Variants in PIK3C2G observed in about 807,000 individuals in gnomAD.
PIK3C2G encodes phosphatidylinositol-4-phosphate 3-kinase catalytic subunit type 2 gamma, also known as phosphatidylinositol 3-kinase C2 domain-containing subunit gamma.
A neutral mutation model predicts 181.1 loss-of-function variants in PIK3C2G; 168 were observed. That is an observed-to-expected ratio of 0.93 (90% CI 0.82 to 1.05). The LOEUF (loss-of-function observed/expected upper bound fraction) is 1.05. PIK3C2G is among the 50% of genes least tolerant of loss of function. PIK3C2G has a pLI of 0.00. For synonymous variants in PIK3C2G, 573 were observed against 592.2 expected (o/e 0.97, Z 0.47); for missense variants, 1,869 against 1,732.8 (o/e 1.08, Z -1.40).
chr12:18,658,621 T>C, the PIK3C2G span, among the ~76,000 whole-genome samples: 1 of 152,186 alleles, frequency 6.6e-6, no homozygotes, highest in East Asian at 1.9e-4. Context: ...TAATAGAAAA[T>C]CAATATTTTA....
rs748311527 is a variant in PIK3C2G, at chr12:18,399,725, C to G, written c.2193C>G (p.Ser731=). ...YRFYCNNENC[S]LPLVLGSAPG... ...TCTACTGCAATAATGAAAACTGCTC[C>G]CTTCCTTTAGTCCTGGGTAGTGCCC... Residue 731 remains serine, a synonymous_variant, in exon 16 of 33, where the codon TCC becomes TCG. Coordinates refer to ENST00000538779, the MANE Select transcript of PIK3C2G (RefSeq NM_001288772.2). 2.0e-5 allele frequency: 32 copies of G among 1,602,614 alleles called. 1 individual carries two copies. In the South Asian group the frequency reaches 2.9e-4, roughly 14 times the overall value.
At chr12:18,424,939 G>A (rs749006883) in intron 18 of PIK3C2G, 10 of 205,216 alleles carry the variant, frequency 4.9e-5, no homozygotes, top group East Asian at 1.2e-4. Flanking sequence ...CATGTCCAAC[G>A]TTCAGGGTGT....
chr12:18,525,733 G>T lies in PIK3C2G; in HGVS notation c.3324-12423G>T, dbSNP rs1183358892. On this transcript the variant is annotated intron_variant, in intron 24 of 32. Transcript: ENST00000538779. ...CACAAATCAGAGCTTTTTTCCTAAG[G>T]AAACAAAGTAAGCCAGCTATTAAAT... 2.6e-5 allele frequency among the ~76,000 whole-genome samples: 4 copies of T among 152,094 alleles called. No homozygotes were observed. The South Asian group carries it at 8.3e-4, about 32-fold the overall frequency.
intron 18 of PIK3C2G, among the ~76,000 whole-genome samples, chr12:18,444,251 G>C (rs914650399): frequency 1.3e-5 from 2 of 152,066 alleles, no homozygotes; most frequent in African/African-American, 4.8e-5. Flanking sequence ...TGGGCCTTTA[G>C]TAGTCTTATC....
At position 18,405,201 on chromosome 12, in the gene PIK3C2G, C is replaced by T. The variant is rs78707205; in HGVS notation, c.2315+5354C>T. ...CCCATGAGACACATAGAAGAAGATG[C>T]CTGGTATGCAGTTGTGTATACAGGT... On this transcript the variant is annotated intron_variant, in intron 16 of 32. Transcript: ENST00000538779. 7.0e-3 allele frequency among the ~76,000 whole-genome samples: 1,068 copies of T among 152,212 alleles called. 6 individuals are homozygous for T. The highest frequency in any genetic ancestry group is 0.019 in the African/African-American group (781 of 41,516).
At chr12:18,699,496 C>T in the PIK3C2G span, among the ~76,000 whole-genome samples, 2 of 152,130 alleles carry the variant, frequency 1.3e-5, no homozygotes, top group African/African-American at 4.8e-5. Context: ...CCCTCTGCAG[C>T]CCTGTCACTG....
the PIK3C2G span, chr12:18,684,084 T>G: frequency 6.3e-7 from 1 of 1,599,190 alleles, no homozygotes; most frequent in Non-Finnish European, 8.5e-7. Context: ...TATACACAAG[T>G]TATATTTAAA....
the PIK3C2G span, chr12:18,696,348 A>ATATATATATATATATATATATATC: frequency 4.8e-4 from 102 of 214,280 alleles, 2 homozygotes; most frequent in East Asian, 1.4e-3. Context: ...ATATATATAT[A>ATATATATATATATATATATATATC]TATCATATAA....
intron 18 of PIK3C2G, among the ~76,000 whole-genome samples, chr12:18,429,244 A>G (rs934830536): frequency 6.6e-6 from 1 of 152,134 alleles, no homozygotes; most frequent in Admixed American, 6.5e-5. Flanking sequence ...TAGAGCTACC[A>G]TAAGCTGGAA....
chr12:18,311,568 G>A (rs866961540), intron 5 of PIK3C2G, among the ~76,000 whole-genome samples: 10 of 151,348 alleles, frequency 6.6e-5, no homozygotes, highest in African/African-American at 2.2e-4. Context: ...AATACACAAA[G>A]AAACAGGTGA....
At chr12:18,497,306 G>A (rs1267366963) in intron 21 of PIK3C2G, among the ~76,000 whole-genome samples, 1 of 151,504 alleles carries the variant, frequency 6.6e-6, no homozygotes, top group Non-Finnish European at 1.5e-5. Context: ...CATCCAGCCT[G>A]TCTTTGCCAG....
intron 24 of PIK3C2G, among the ~76,000 whole-genome samples, chr12:18,519,808 G>T (rs1220615861): frequency 2.6e-5 from 4 of 151,930 alleles, no homozygotes; most frequent in African/African-American, 9.7e-5. Context: ...TTTCTTCACA[G>T]TGTCATTAGT....
rs369136543 is a variant in PIK3C2G, at chr12:18,302,178, G to C, written c.1034+8163G>C. On this transcript the variant is annotated intron_variant, in intron 5 of 32. Transcript: ENST00000538779. ...ATTTAGCAGGCTCAGGTGAACTGAT[G>C]CTTGGGCTCCCAGGTGACTTCCTTG... Among the ~76,000 whole-genome samples, 9 of 152,314 alleles carry C rather than the reference G, an allele frequency of 5.9e-5. No individual in the cohort carries two copies. The South Asian group carries it at 1.4e-3, about 25-fold the overall frequency.
chr12:18,258,887 A>G (rs1291918118), upstream of PIK3C2G, among the ~76,000 whole-genome samples: 3 of 152,142 alleles, frequency 2.0e-5, no homozygotes, highest in African/African-American at 7.2e-5. Context: ...TATTCTATTG[A>G]TTCATTTTTT....
At chr12:18,382,030 T>A in intron 14 of PIK3C2G, 150 bp downstream of exon 14, 1 of 624,518 alleles carries the variant, frequency 1.6e-6, no homozygotes, top group South Asian at 1.8e-5. Context: ...AAACCTCTAC[T>A]GCTTTTATGT....
chr12:18,526,600 C>T (rs767856423), intron 24 of PIK3C2G, among the ~76,000 whole-genome samples: 1 of 152,054 alleles, frequency 6.6e-6, no homozygotes, highest in South Asian at 2.1e-4. Context: ...TTCTGTAACC[C>T]TAGCTGGAAA....
At chr12:18,386,589 T>C (rs534979912) in intron 14 of PIK3C2G, among the ~76,000 whole-genome samples, 1 of 152,346 alleles carries the variant, frequency 6.6e-6, no homozygotes, top group Admixed American at 6.5e-5. Flanking sequence ...ATTTTCAAAG[T>C]GCATCCAGGT....
intron 18 of PIK3C2G, among the ~76,000 whole-genome samples, chr12:18,454,539 T>G (rs1013906725): frequency 1.3e-5 from 2 of 152,126 alleles, no homozygotes; most frequent in Non-Finnish European, 2.9e-5. Context: ...TGCAGGGTCT[T>G]GTGGTTTTTG....
chr12:18,257,039 G>A (rs1005140391), upstream of PIK3C2G, among the ~76,000 whole-genome samples: 4 of 152,086 alleles, frequency 2.6e-5, no homozygotes, highest in Non-Finnish European at 5.9e-5. Flanking sequence ...CTTTTGCCAT[G>A]CCTGACACAA....
Sources: allele counts gnomAD v4.1 joint callset (sites outside exome capture counted in the v4.1 genomes callset), GRCh38; gene constraint gnomAD v4.1.1; transcripts MANE v1.5; gene names NCBI Gene and HGNC (gene_info 2026-07-23, HGNC 2026-07-21).